TRIM49C: variants seen among roughly 807,000 people sequenced by gnomAD.
The protein encoded by TRIM49C is tripartite motif containing 49C.
A neutral mutation model predicts 21.4 loss-of-function variants in TRIM49C; 6 were observed. That is an observed-to-expected ratio of 0.28 (90% CI 0.15 to 0.55). The LOEUF is 0.55. TRIM49C is among the 20% of genes least tolerant of loss of function. The pLI is 0.94. For missense variants in TRIM49C, 161 were observed against 442.4 expected, an observed-to-expected ratio of 0.36 and a Z score of 5.71; for synonymous variants, 57 against 148.1, an observed-to-expected ratio of 0.38 and a Z score of 4.47.
the TRIM49C span, among the ~76,000 whole-genome samples, chr11:90,058,383 A>AT: frequency 1.7e-5 from 2 of 119,874 alleles, no homozygotes; most frequent in Non-Finnish European, 1.7e-5. Context: ...TCTAAAATGT[A>AT]TTTTTTTCTT....
chr11:90,033,927 C>G lies in TRIM49C; in HGVS notation c.-4-1281C>G, dbSNP rs1481286172. 5.2e-5 allele frequency among the ~76,000 whole-genome samples: 6 copies of G among 114,332 alleles called. 1 individual carries two copies. The highest frequency in any genetic ancestry group is 6.9e-5 in the Non-Finnish European group (4 of 58,066). The allele number at this position is 114,332 out of a possible 152,430, so 75.0% of individuals were successfully genotyped here. On this transcript the variant is annotated intron_variant, in intron 2 of 7. Coordinates refer to ENST00000448984, the MANE Select transcript of TRIM49C (RefSeq NM_001195234.1). ...CGCCACTGCATTTCAGCCTGCGTGA[C>G]AGAAGGATACTCTGTCTCAAAAAAA...
the TRIM49C span, chr11:90,071,903 G>T: frequency 2.0e-6 from 1 of 502,640 alleles, no homozygotes; most frequent in South Asian, 2.0e-5. Context: ...AGAATAGTCT[G>T]TGAATAGGTA....
At chr11:90,041,005 T>A (rs182149478) in intron 7 of TRIM49C, 46 bp from the exon 8 acceptor site, 1 of 1,467,798 alleles carries the variant, frequency 6.8e-7, no homozygotes, top group African/African-American at 1.4e-5. Context: ...TTTTTTCTTA[T>A]TTACACATGT....
At chr11:90,044,012 T>A (rs1209185226), downstream of TRIM49C, among the ~76,000 whole-genome samples, 1 of 53,708 alleles carries the variant, frequency 1.9e-5, no homozygotes, top group African/African-American at 8.8e-5. Context: ...CACCTATGAG[T>A]GAGAATATGC....
At chr11:90,055,873 T>C in the TRIM49C span, among the ~76,000 whole-genome samples, 1 of 141,100 alleles carries the variant, frequency 7.1e-6, no homozygotes, top group East Asian at 2.2e-4. Flanking sequence ...TTGTGGTCTT[T>C]GTTAGAGCAG....
chr11:90,067,509 A>G, the TRIM49C span, among the ~76,000 whole-genome samples: 1 of 147,562 alleles, frequency 6.8e-6, no homozygotes, highest in African/African-American at 2.5e-5. Context: ...AAAGTCTTTG[A>G]ATGTTCACAA....
the TRIM49C span, chr11:90,052,256 G>A: frequency 4.5e-6 from 1 of 222,230 alleles, no homozygotes; most frequent in Non-Finnish European, 8.5e-6. Flanking sequence ...CCCGCCACCT[G>A]CGCCTGCCGC....
chr11:90,037,267 AG>A (rs1199431867), intron 4 of TRIM49C, among the ~76,000 whole-genome samples: 1 of 133,596 alleles, frequency 7.5e-6, no homozygotes, highest in African/African-American at 2.6e-5. Flanking sequence ...AGGGAGACAA[AG>A]ATGGCCAAAT....
the TRIM49C span, chr11:90,071,741 G>A: frequency 1.5e-5 from 19 of 1,272,454 alleles, 2 homozygotes; most frequent in Admixed American, 4.7e-5. Context: ...TGAATCCAGA[G>A]CTCCCTACAG....
downstream of TRIM49C, among the ~76,000 whole-genome samples, chr11:90,042,463 A>T (rs1024480566): frequency 1.5e-5 from 2 of 130,708 alleles, no homozygotes; most frequent in South Asian, 5.6e-4. Context: ...CAGTGAACTC[A>T]ACAGAAGATT....
At chr11:90,060,377 T>C in the TRIM49C span, among the ~76,000 whole-genome samples, 3 of 152,140 alleles carry the variant, frequency 2.0e-5, no homozygotes, top group Non-Finnish European at 4.4e-5. Context: ...AATGTATATC[T>C]TTTTATTTCC....
chr11:90,073,438 C>A, the TRIM49C span: 2 of 467,818 alleles, frequency 4.3e-6, no homozygotes, highest in Non-Finnish European at 7.4e-6. Context: ...TACAGGGGAG[C>A]CAGCCCTTCA....
chr11:90,069,261 C>T, the TRIM49C span, among the ~76,000 whole-genome samples: 2 of 120,730 alleles, frequency 1.7e-5, 1 homozygote, highest in South Asian at 6.2e-4. Flanking sequence ...CTCGCCACCA[C>T]GCCCAGCTAA....
chr11:90,033,895 G>A (rs1296617957), intron 2 of TRIM49C, among the ~76,000 whole-genome samples: 2 of 122,862 alleles, frequency 1.6e-5, no homozygotes, highest in African/African-American at 3.1e-5. Context: ...ACAGTGAGCC[G>A]AGATCACGCC....
chr11:90,068,548 CT>C, the TRIM49C span, among the ~76,000 whole-genome samples: 1 of 145,186 alleles, frequency 6.9e-6, no homozygotes, highest in African/African-American at 2.5e-5. Flanking sequence ...ACTTACAATA[CT>C]TTTTTCTTCA....
At chr11:90,043,618 A>T (rs1253138315), downstream of TRIM49C, among the ~76,000 whole-genome samples, 1 of 119,418 alleles carries the variant, frequency 8.4e-6, no homozygotes, top group Admixed American at 9.5e-5. Flanking sequence ...GTGAGGATGA[A>T]GTGCTTTATT....
intron 6 of TRIM49C, among the ~76,000 whole-genome samples, chr11:90,039,277 G>C (rs1200571181): frequency 7.8e-6 from 1 of 128,732 alleles, no homozygotes; most frequent in Non-Finnish European, 1.6e-5. Flanking sequence ...GTTTTGTTTT[G>C]TGAATGGTGA....
chr11:90,031,650 T>C (rs570400972), intron 1 of TRIM49C, among the ~76,000 whole-genome samples: 29 of 151,960 alleles, frequency 1.9e-4, no homozygotes, highest in African/African-American at 6.7e-4. Context: ...AGAAAAACGT[T>C]AAAATAATAA....
At chr11:90,042,720 A>G (rs1159488222), downstream of TRIM49C, among the ~76,000 whole-genome samples, 1 of 110,896 alleles carries the variant, frequency 9.0e-6, no homozygotes, top group African/African-American at 3.6e-5. Context: ...GAAACTGACT[A>G]TTAGCATTTC....
Sources: allele counts gnomAD v4.1 joint callset (sites outside exome capture counted in the v4.1 genomes callset), GRCh38; gene constraint gnomAD v4.1.1; transcripts MANE v1.5; gene names NCBI Gene and HGNC (gene_info 2026-07-23, HGNC 2026-07-21).